The following ANKRD18B variants were observed in gnomAD, a reference collection of about 807,000 sequenced individuals.
ANKRD18B encodes ankyrin repeat domain 18B.
In ANKRD18B, 75 loss-of-function variants were observed where a neutral mutation model predicts 111.8. That is an observed-to-expected ratio of 0.67 (90% CI 0.56 to 0.81). ANKRD18B has a LOEUF of 0.81. Ranked by LOEUF, ANKRD18B falls within the 40% of genes least tolerant of loss-of-function variation. The probability of loss-of-function intolerance (pLI) is 0.00; values close to 1 mark genes in which losing one functional copy is unlikely to be tolerated. For synonymous variants in ANKRD18B, 356 were observed against 417.3 expected (o/e 0.85, Z 1.79); for missense variants, 1,038 against 1,225.5 (o/e 0.85, Z 2.28).
At chr9:33,529,244 T>C in intron 3 of ANKRD18B, 71 bp downstream of exon 3, 1 of 1,482,320 alleles carries the variant, frequency 6.7e-7, no homozygotes, top group South Asian at 1.4e-5. Context: ...CAATTTTTCA[T>C]ATTTGGAACT....
chr9:33,534,650 A>G, intron 5 of ANKRD18B, 143 bp downstream of exon 5: 1 of 1,155,910 alleles, frequency 8.7e-7, no homozygotes, highest in Non-Finnish European at 1.2e-6. Context: ...CTTCTTAGCC[A>G]GAAATCACAC....
intron 12 of ANKRD18B, among the ~76,000 whole-genome samples, chr9:33,554,137 AAGAG>A (rs745995067): frequency 7.0e-6 from 1 of 143,320 alleles, no homozygotes; most frequent in East Asian, 2.1e-4. Context: ...AAAAAGAAGA[AAGAG>A]AGAGAGAGAG....
chr9:33,573,196 C>T (rs1269396402), downstream of ANKRD18B: 1 of 985,226 alleles, frequency 1.0e-6, no homozygotes, highest in East Asian at 1.1e-4. Context: ...TTCTTAAAAG[C>T]AGAGTTGGAG....
At chr9:33,531,391 A>G (rs1402188928) in intron 3 of ANKRD18B, among the ~76,000 whole-genome samples, 2 of 152,220 alleles carry the variant, frequency 1.3e-5, no homozygotes, top group Non-Finnish European at 2.9e-5. Context: ...ATATAAAAAC[A>G]CAAGAGCTAT....
At chr9:33,557,796 A>G (rs1416719799) in intron 13 of ANKRD18B, among the ~76,000 whole-genome samples, 1 of 151,732 alleles carries the variant, frequency 6.6e-6, no homozygotes, top group Non-Finnish European at 1.5e-5. Context: ...CTCAAAAAAA[A>G]CAAACAAAAC....
At chr9:33,535,648 T>C (rs2118004629) in intron 5 of ANKRD18B, among the ~76,000 whole-genome samples, 1 of 148,078 alleles carries the variant, frequency 6.8e-6, no homozygotes, top group African/African-American at 2.4e-5. Context: ...TTATATTGCA[T>C]ATAGATTATA....
intron 11 of ANKRD18B, 111 bp from the exon 12 acceptor site, chr9:33,550,319 T>A (rs1315253465): frequency 3.5e-6 from 4 of 1,140,186 alleles, no homozygotes; most frequent in Non-Finnish European, 4.8e-6. Flanking sequence ...GAAAAGAAAG[T>A]GAATCTGTGT....
intron 1 of ANKRD18B, among the ~76,000 whole-genome samples, chr9:33,528,234 C>G (rs1471008896): frequency 6.6e-6 from 1 of 152,204 alleles, no homozygotes; most frequent in Non-Finnish European, 1.5e-5. Flanking sequence ...CTACAAGTGC[C>G]AGGCTGCAGT....
At position 33,548,354 on chromosome 9, in the gene ANKRD18B, T is replaced by C. The variant is rs1237517236; in HGVS notation, c.1566T>C (p.Asp522=). 6.5e-6 allele frequency: 10 copies of C among 1,549,970 alleles called. No homozygotes were observed. The highest frequency in any genetic ancestry group is 8.7e-6 in the Non-Finnish European group (10 of 1,146,168). ...DLELVLWRAD[D]VSRHETMGSN... is the part of the protein sequence containing the mutation. ...AACTAGTTTTATGGAGAGCAGATGA[T>C]GTTTCTAGACATGAAACAATGGGTT... is the stretch of plus-strand genomic sequence containing the variant. Residue 522 remains aspartate (D), a synonymous_variant, in exon 11 of 19, where the codon GAT becomes GAC. Transcript: ENST00000684830.
intron 10 of ANKRD18B, among the ~76,000 whole-genome samples, chr9:33,545,895 G>A (rs1828348258): frequency 6.6e-6 from 1 of 152,174 alleles, no homozygotes; most frequent in Non-Finnish European, 1.5e-5. Flanking sequence ...ATCTAAATGT[G>A]TAATTATGTG....
chr9:33,567,308 T>A lies in ANKRD18B; in HGVS notation c.2948T>A (p.Ile983Lys). ...GCTAACAGTTCCATGTCAGAAAAAA[T>A]AACGAAGTAAGTCAAAACATATACT... Reference protein sequence around the residue: ...LKANSSMSEKITKSDKKIAVI... With the variant: ...LKANSSMSEKKTKSDKKIAVI... The change falls in exon 16 of 19, where the codon ATA (isoleucine) becomes AAA (lysine). Residue 983 changes from isoleucine (I) to lysine (K), a missense_variant. This residue lies in a region of ANKRD18B where 524 missense variants were observed against 677.9 expected (regional missense o/e 0.77). Coordinates refer to ENST00000684830, the MANE Select transcript of ANKRD18B (RefSeq NM_001393611.1). 1 of 1,540,020 alleles carries A rather than the reference T, an allele frequency of 6.5e-7. No individual in the cohort carries two copies. The highest frequency in any genetic ancestry group is 8.7e-7 in the Non-Finnish European group (1 of 1,144,016).
Position 33,572,572 on chromosome 9 carries a change from T to A in ANKRD18B, c.*138T>A, listed in dbSNP as rs200903845. ...TATATTTATATGTTATTTTAAATGA[T>A]TTTTTTAGCCTCCTTAAGTTTTAAG... On this transcript the variant is annotated 3_prime_UTR_variant, in exon 19 of 19. Transcript: ENST00000684830. 3.5e-5 allele frequency: 45 copies of A among 1,277,432 alleles called. No individual in the cohort carries two copies. Among genetic ancestry groups the A allele is most frequent in the Non-Finnish European group, 4.3e-5 (43 of 1,005,014 alleles). 79.1% of individuals were successfully genotyped at this position (1,277,432 alleles called of 1,614,324 possible). A position where few individuals can be genotyped will look rare whatever the true frequency, so the allele number is the denominator to read the frequency against.
intron 4 of ANKRD18B, 51 bp from the exon 5 acceptor site, chr9:33,534,319 T>A (rs1828162842): frequency 6.7e-7 from 1 of 1,494,020 alleles, no homozygotes. Context: ...ATTTGCTAAT[T>A]AAATATCTTT....
At chr9:33,530,702 A>C (rs954076482) in intron 3 of ANKRD18B, among the ~76,000 whole-genome samples, 2 of 152,200 alleles carry the variant, frequency 1.3e-5, no homozygotes, top group Non-Finnish European at 2.9e-5. Context: ...ATAACATTAA[A>C]CTGACTTATC....
intron 12 of ANKRD18B, among the ~76,000 whole-genome samples, chr9:33,552,098 C>A (rs1828455635): frequency 6.6e-6 from 1 of 152,190 alleles, no homozygotes; most frequent in Non-Finnish European, 1.5e-5. Flanking sequence ...AGCTTGGCAG[C>A]TTTTAGCATA....
At chr9:33,533,195 G>A (rs1458023971) in intron 3 of ANKRD18B, among the ~76,000 whole-genome samples, 1 of 152,298 alleles carries the variant, frequency 6.6e-6, no homozygotes, top group Admixed American at 6.5e-5. Flanking sequence ...TAGAAGCAAG[G>A]ATTTTTGGGA....
chr9:33,558,650 G>T (rs1396212998), intron 14 of ANKRD18B, among the ~76,000 whole-genome samples: 3 of 152,104 alleles, frequency 2.0e-5, no homozygotes, highest in Non-Finnish European at 2.9e-5. Flanking sequence ...GTGCTGCAAT[G>T]AACATACAAA....
At chr9:33,573,318 C>T, downstream of ANKRD18B, 2 of 983,568 alleles carry the variant, frequency 2.0e-6, no homozygotes, top group Non-Finnish European at 1.2e-6. Flanking sequence ...GGCCTTCTAG[C>T]TGTCTGGGGA....
At chr9:33,557,374 A>G (rs778704438) in intron 13 of ANKRD18B, among the ~76,000 whole-genome samples, 18 of 152,024 alleles carry the variant, frequency 1.2e-4, no homozygotes, top group Non-Finnish European at 2.1e-4. Flanking sequence ...TTTTTCATAC[A>G]TATATATGTT....
Sources: allele counts gnomAD v4.1 joint callset (sites outside exome capture counted in the v4.1 genomes callset), GRCh38; gene constraint gnomAD v4.1.1; regional missense constraint gnomAD v4.1.1; transcripts MANE v1.5; gene names NCBI Gene and HGNC (gene_info 2026-07-23, HGNC 2026-07-21).